The following ZNF600 variants were observed in gnomAD, a reference collection of about 807,000 sequenced individuals.
ZNF600 encodes zinc finger protein 600.
In ZNF600, 4 loss-of-function variants were observed where a neutral mutation model predicts 7.3. That is an observed-to-expected ratio of 0.55 (90% confidence interval 0.27 to 1.25). The LOEUF (loss-of-function observed/expected upper bound fraction) is 1.25, where lower values mean the gene tolerates loss of function less well. Ranked by LOEUF, ZNF600 falls within the 50% of genes most tolerant of loss-of-function variation. The probability of loss-of-function intolerance (pLI) is 0.12; values close to 1 mark genes in which losing one functional copy is unlikely to be tolerated. For synonymous variants in ZNF600, 290 were observed against 308.9 expected (o/e 0.94, Z 0.64); for missense variants, 911 against 922.1 (o/e 0.99, Z 0.16).
upstream of ZNF600, among the ~76,000 whole-genome samples, chr19:52,787,997 T>A (rs1260718845): frequency 1.3e-5 from 2 of 152,218 alleles, no homozygotes; most frequent in Non-Finnish European, 2.9e-5. Context: ...TTCTCTGATC[T>A]GATCCACAAA....
At chr19:52,821,203 C>G in the ZNF600 span, among the ~76,000 whole-genome samples, 11 of 151,940 alleles carry the variant, frequency 7.2e-5, no homozygotes, top group Non-Finnish European at 5.9e-5. Flanking sequence ...GCAGCCTTCC[C>G]GGGACTGGGG....
chr19:52,828,162 C>G, the ZNF600 span, among the ~76,000 whole-genome samples: 2 of 152,054 alleles, frequency 1.3e-5, no homozygotes, highest in African/African-American at 4.8e-5. Flanking sequence ...AGCAATTCTC[C>G]TGCCTCAGCC....
the ZNF600 span, among the ~76,000 whole-genome samples, chr19:52,815,885 C>G: frequency 1.4e-5 from 2 of 147,182 alleles, no homozygotes; most frequent in Admixed American, 6.8e-5. Context: ...ATAATTGGTA[C>G]AACAAACTCC....
At chr19:52,821,730 GC>G in the ZNF600 span, 1 of 152,164 alleles carries the variant, frequency 6.6e-6, no homozygotes, top group Non-Finnish European at 1.5e-5. Context: ...GCGCGAAGCG[GC>G]GAGACCTTGC....
intron 3 of ZNF600, among the ~76,000 whole-genome samples, chr19:52,771,623 G>T (rs2062630797): frequency 6.6e-6 from 1 of 152,084 alleles, no homozygotes; most frequent in South Asian, 2.1e-4. Context: ...GATTACAGGT[G>T]TATACCAACA....
intron 3 of ZNF600, 147 bp downstream of exon 5, chr19:52,774,428 T>G (rs1360312746): frequency 8.1e-6 from 7 of 868,740 alleles, no homozygotes; most frequent in African/African-American, 2.1e-5. Context: ...AAGATCCATC[T>G]CAAACAAAAA....
intron 1 of ZNF600, among the ~76,000 whole-genome samples, chr19:52,784,920 A>T (rs556191704): frequency 3.8e-4 from 58 of 151,972 alleles, no homozygotes; most frequent in South Asian, 2.3e-3. Context: ...TTTGACAGAG[A>T]TGGGGGGAGC....
At chr19:52,786,694 G>C (rs565475656) in exon 1 of ZNF600, 2 of 272,710 alleles carry the variant, frequency 7.3e-6, no homozygotes, top group African/African-American at 4.3e-5. Flanking sequence ...GGGGACCTGG[G>C]AAGTGCAGAC....
At chr19:52,800,593 T>G in the ZNF600 span, 14 of 1,613,896 alleles carry the variant, frequency 8.7e-6, no homozygotes, top group South Asian at 1.5e-4. Context: ...GCAAAAGCCT[T>G]GTCACAAACC....
chr19:52,831,620 A>C, the ZNF600 span, among the ~76,000 whole-genome samples: 1 of 151,838 alleles, frequency 6.6e-6, no homozygotes. Flanking sequence ...CTCCTGCCTC[A>C]GCCTCCCAAG....
chr19:52,789,313 G>A (rs557932443), upstream of ZNF600, among the ~76,000 whole-genome samples: 1 of 152,300 alleles, frequency 6.6e-6, no homozygotes, highest in Non-Finnish European at 1.5e-5. Context: ...GACAGAGGCA[G>A]GAGTTGATGT....
the ZNF600 span, among the ~76,000 whole-genome samples, chr19:52,829,005 C>T: frequency 3.9e-5 from 6 of 152,026 alleles, no homozygotes; most frequent in East Asian, 9.7e-4. Context: ...GGAACACAGG[C>T]GCCTGCCACC....
intron 3 of ZNF600, among the ~76,000 whole-genome samples, chr19:52,770,601 A>G (rs1473822756): frequency 1.3e-5 from 2 of 151,550 alleles, no homozygotes; most frequent in Admixed American, 6.6e-5. Context: ...TAGAATGTGT[A>G]CTGGGAAAAT....
chr19:52,774,149 T>C (rs1489408444), intron 3 of ZNF600, among the ~76,000 whole-genome samples: 2 of 151,822 alleles, frequency 1.3e-5, no homozygotes, highest in African/African-American at 2.4e-5. Flanking sequence ...CTTGGATGGG[T>C]CCAGGGGCTG....
the ZNF600 span, chr19:52,810,279 A>T: frequency 2.7e-6 from 4 of 1,457,474 alleles, no homozygotes; most frequent in African/African-American, 5.6e-5. Flanking sequence ...GATCACGTCC[A>T]TTGAGGAGAA....
chr19:52,804,953 A>T, the ZNF600 span, among the ~76,000 whole-genome samples: 2 of 152,202 alleles, frequency 1.3e-5, no homozygotes, highest in South Asian at 4.1e-4. Flanking sequence ...GAAGCCATCT[A>T]ATAGCACTAA....
At chr19:52,792,636 A>C in the ZNF600 span, among the ~76,000 whole-genome samples, 1 of 152,208 alleles carries the variant, frequency 6.6e-6, no homozygotes, top group Non-Finnish European at 1.5e-5. Flanking sequence ...CGCTGCTTCA[A>C]GTCCTTCTGG....
intron 3 of ZNF600, among the ~76,000 whole-genome samples, 182 bp downstream of exon 5, chr19:52,774,393 C>G (rs2062655335): frequency 6.6e-6 from 1 of 151,242 alleles, no homozygotes; most frequent in Non-Finnish European, 1.5e-5. Context: ...CATACCATTG[C>G]TCTCCAGCCT....
At chr19:52,797,732 T>G in the ZNF600 span, 4 of 152,478 alleles carry the variant, frequency 2.6e-5, no homozygotes, top group African/African-American at 4.8e-5. Context: ...CAATCCATAC[T>G]GATTGGAAAA....
Sources: gnomAD v4.1 joint callset for allele counts (sites outside exome capture counted in the v4.1 genomes callset) on GRCh38, gnomAD v4.1.1 for gene constraint, MANE v1.5 for transcripts, NCBI Gene and HGNC (gene_info 2026-07-23, HGNC 2026-07-21) for gene names.